Variants in KIAA0825 observed in about 807,000 individuals in gnomAD.
The protein encoded by KIAA0825 is KIAA0825.
A neutral mutation model predicts 147.6 loss-of-function variants in KIAA0825; 119 were observed. The observed-to-expected ratio is 0.81, with a 90% CI of 0.69 to 0.94. KIAA0825 has a LOEUF of 0.94. KIAA0825 is among the 40% of genes least tolerant of loss of function. The probability of loss-of-function intolerance (pLI) is 0.00; values close to 1 mark genes in which losing one functional copy is unlikely to be tolerated. For synonymous variants in KIAA0825, 470 were observed against 518.1 expected, an observed-to-expected ratio of 0.91 and a Z score of 1.26; for missense variants, 1,381 against 1,472.7, an observed-to-expected ratio of 0.94 and a Z score of 1.02.
chr5:94,355,562 G>A (rs1303229057), intron 20 of KIAA0825, among the ~76,000 whole-genome samples: 1 of 152,094 alleles, frequency 6.6e-6, no homozygotes, highest in African/African-American at 2.4e-5. Context: ...AAAAATCAGA[G>A]CTTAGTCCTC....
At chr5:94,229,460 G>T (rs540091585) in intron 20 of KIAA0825, among the ~76,000 whole-genome samples, 4 of 150,826 alleles carry the variant, frequency 2.7e-5, no homozygotes, top group Non-Finnish European at 5.9e-5. Flanking sequence ...ATTGTACAAA[G>T]AACTTGGTAA....
intron 2 of KIAA0825, chr5:94,569,699 C>T (rs1397493265): frequency 3.1e-6 from 1 of 323,886 alleles, no homozygotes. Flanking sequence ...CCTAGCCATA[C>T]ACTAATCACC....
At chr5:94,461,278 T>C (rs1759794951) in intron 12 of KIAA0825, among the ~76,000 whole-genome samples, 1 of 151,946 alleles carries the variant, frequency 6.6e-6, no homozygotes, top group African/African-American at 2.4e-5. Flanking sequence ...TCCATGAAAT[T>C]TGTCAACTTT....
chr5:94,160,547 G>T (rs1322387783), intron 20 of KIAA0825, among the ~76,000 whole-genome samples: 3 of 147,280 alleles, frequency 2.0e-5, no homozygotes, highest in Admixed American at 6.8e-5. Flanking sequence ...ATACATATAT[G>T]TATGTTAAGT....
At chr5:94,488,453 T>A (rs577811477) in intron 5 of KIAA0825, among the ~76,000 whole-genome samples, 1 of 152,166 alleles carries the variant, frequency 6.6e-6, no homozygotes, top group Non-Finnish European at 1.5e-5. Flanking sequence ...CAAAATATTA[T>A]AAAGATAAAA....
intron 20 of KIAA0825, among the ~76,000 whole-genome samples, chr5:94,311,012 G>A (rs1166068458): frequency 6.6e-6 from 1 of 151,630 alleles, no homozygotes; most frequent in Non-Finnish European, 1.5e-5. Flanking sequence ...AAATCATGCA[G>A]GGTCTACTTT....
At position 94,464,962 on chromosome 5, in the gene KIAA0825, T is replaced by C; in HGVS notation, c.1970A>G (p.Glu657Gly). Residue 657 changes from glutamate to glycine, a missense_variant, in exon 11 of 21, where the codon GAG becomes GGG. By Grantham distance (98) the Glu-to-Gly change is moderately conservative. Transcript: ENST00000682413. ...TTTCTCCAGCACTTCCACTAGAATC[T>C]CCTGGGCTAACTTAGGAGGCAGAAT... Reference protein sequence around the residue: ...WTILPPKLAQEILVEVLEKSL... With the variant: ...WTILPPKLAQGILVEVLEKSL... 3 of 1,551,672 alleles carry C rather than the reference T, an allele frequency of 1.9e-6. No homozygotes were observed. Among genetic ancestry groups the C allele is most frequent in the Non-Finnish European group, 2.6e-6 (3 of 1,146,978 alleles).
At chr5:94,289,706 A>G (rs1777806487) in intron 20 of KIAA0825, among the ~76,000 whole-genome samples, 1 of 151,432 alleles carries the variant, frequency 6.6e-6, no homozygotes, top group Non-Finnish European at 1.5e-5. Flanking sequence ...ATGAACAAAC[A>G]AGTAAAATAA....
chr5:94,501,226 T>C (rs1173919586), intron 5 of KIAA0825, among the ~76,000 whole-genome samples: 1 of 152,230 alleles, frequency 6.6e-6, no homozygotes. Flanking sequence ...CATTAACATA[T>C]GACAGCAAGT....
intron 20 of KIAA0825, among the ~76,000 whole-genome samples, chr5:94,377,054 G>C (rs1278903941): frequency 6.6e-6 from 1 of 152,114 alleles, no homozygotes; most frequent in East Asian, 1.9e-4. Flanking sequence ...ACTGTAATCT[G>C]ATATAGGGTA....
chr5:94,241,233 C>A (rs931658176), intron 20 of KIAA0825, among the ~76,000 whole-genome samples: 1 of 152,180 alleles, frequency 6.6e-6, no homozygotes, highest in African/African-American at 2.4e-5. Context: ...AAAGAACCAG[C>A]AAAGTGCCTT....
chr5:94,514,448 C>T (rs1766929413), intron 5 of KIAA0825, among the ~76,000 whole-genome samples: 1 of 151,988 alleles, frequency 6.6e-6, no homozygotes, highest in Admixed American at 6.6e-5. Context: ...TAAATGTATG[C>T]TATGAGTCCA....
In KIAA0825 at chr5:94,376,101, T is replaced by A. The variant is rs548522527; in HGVS notation, c.3710+8267A>T. ...ATAATATGATACCTACTTTGTAAGG[T>A]TATTATAAGGATTTACAGTTAAATA... On this transcript the variant is annotated intron_variant, in intron 20 of 20. Coordinates refer to ENST00000682413, the MANE Select transcript of KIAA0825 (RefSeq NM_001145678.3). 2.0e-5 allele frequency among the ~76,000 whole-genome samples: 3 copies of A among 152,306 alleles called. No homozygotes were observed. In the South Asian group the frequency reaches 6.2e-4, roughly 32 times the overall value.
At chr5:94,555,802 T>A (rs1776423901) in intron 2 of KIAA0825, among the ~76,000 whole-genome samples, 1 of 152,208 alleles carries the variant, frequency 6.6e-6, no homozygotes. Flanking sequence ...CATTCCTTTA[T>A]AACTGGCACT....
rs1315402281 is a variant in KIAA0825, at chr5:94,533,214, G to A, written c.131+3782C>T. Among the ~76,000 whole-genome samples, 12 of 150,834 alleles carry A rather than the reference G, an allele frequency of 8.0e-5. No individual in the cohort carries two copies. The East Asian group carries it at 9.8e-4, about 12-fold the overall frequency. On this transcript the variant is annotated intron_variant, in intron 3 of 20. Coordinates refer to ENST00000682413, the MANE Select transcript of KIAA0825 (RefSeq NM_001145678.3). ...AGGATGGTCTCCATCTCCTCACCTC[G>A]TGATCCGCCCGCCTCGGCCTCCCAA...
At chr5:94,615,569 A>G (rs1427322292) in intron 1 of KIAA0825, 2 of 152,216 alleles carry the variant, frequency 1.3e-5, no homozygotes, top group African/African-American at 2.4e-5. Context: ...TGTAAGGAGT[A>G]ATTTAACACT....
chr5:94,203,745 A>G (rs1175862646), intron 20 of KIAA0825, among the ~76,000 whole-genome samples: 1 of 152,156 alleles, frequency 6.6e-6, no homozygotes, highest in Non-Finnish European at 1.5e-5. Context: ...TATTAAATAC[A>G]GCTCCTCATC....
chr5:94,205,001 CTA>C (rs1188892212), intron 20 of KIAA0825, among the ~76,000 whole-genome samples: 1 of 151,980 alleles, frequency 6.6e-6, no homozygotes, highest in Non-Finnish European at 1.5e-5. Context: ...CGTTTCTTCA[CTA>C]TGAGTTGGTA....
chr5:94,593,534 T>C (rs891732464), intron 1 of KIAA0825: 12 of 604,846 alleles, frequency 2.0e-5, no homozygotes, highest in Admixed American at 5.1e-5. Context: ...GTAAAGTTTT[T>C]TGTAGCATTG....
Sources: allele counts gnomAD v4.1 joint callset (sites outside exome capture counted in the v4.1 genomes callset), GRCh38; gene constraint gnomAD v4.1.1; transcripts MANE v1.5; gene names NCBI Gene and HGNC (gene_info 2026-07-23, HGNC 2026-07-21).